The following PLXNA2 variants were observed in gnomAD, a reference collection of about 807,000 sequenced individuals.
The protein encoded by PLXNA2 is plexin A2, also known as plexin-A2.
PLXNA2 carries 91 observed loss-of-function variants against 193.5 expected under a neutral mutation model. The ratio of observed to expected loss-of-function variants is 0.47; its 90% CI spans 0.40 to 0.56. The LOEUF is 0.56. PLXNA2 is among the 20% of genes least tolerant of loss of function. The pLI, the probability that PLXNA2 is intolerant of heterozygous loss-of-function variation, is 0.00. For synonymous variants in PLXNA2, 997 were observed against 1,027.3 expected, an observed-to-expected ratio of 0.97 and a Z score of 0.56; for missense variants, 1,995 against 2,503.2, an observed-to-expected ratio of 0.80 and a Z score of 4.33.
At position 208,217,860 on chromosome 1, in the gene PLXNA2, G is replaced by C. The variant is rs768537663; in HGVS notation, c.63C>G (p.Leu21=). 11 of 1,613,600 alleles carry C rather than the reference G, an allele frequency of 6.8e-6. No individual in the cohort carries two copies. Among genetic ancestry groups the C allele is most frequent in the South Asian group, 1.1e-5 (1 of 91,080 alleles). ...LEVDSRSVVL[L]SVVWVLLAPP... ...GGGCCAGCAGCACCCAGACCACTGAGAGCAGGACCACAGAGCGGCTGTCCA... is the reference window on the plus strand; with the variant it reads ...GGGCCAGCAGCACCCAGACCACTGACAGCAGGACCACAGAGCGGCTGTCCA... Residue 21 remains leucine, a synonymous_variant, in exon 2 of 32, where the codon CTC becomes CTG. Coordinates refer to ENST00000367033, the MANE Select transcript of PLXNA2 (RefSeq NM_025179.4). The surrounding 1 kb of genome is among the most constrained non-coding windows in gnomAD (Gnocchi z 4.7).
At chr1:208,219,658 C>T (rs1435825616) in intron 1 of PLXNA2, among the ~76,000 whole-genome samples, 1 of 152,220 alleles carries the variant, frequency 6.6e-6, no homozygotes, top group Non-Finnish European at 1.5e-5. Context: ...TTAGGAACGA[C>T]CCTTCCTCTT....
chr1:208,039,090 T>C (rs1165149876), intron 24 of PLXNA2, 106 bp from the exon 25 acceptor site: 4 of 1,007,906 alleles, frequency 4.0e-6, no homozygotes, highest in Non-Finnish European at 5.8e-6. Flanking sequence ...ACCCTCCTTA[T>C]AGGGGAAATA....
At chr1:208,238,415 C>T (rs1257123771) in intron 1 of PLXNA2, among the ~76,000 whole-genome samples, 1 of 152,194 alleles carries the variant, frequency 6.6e-6, no homozygotes, top group African/African-American at 2.4e-5. Context: ...TTCCCCCTGC[C>T]CTGACGTCCA....
intron 3 of PLXNA2, among the ~76,000 whole-genome samples, chr1:208,153,784 G>C (rs948488887): frequency 6.6e-6 from 1 of 152,230 alleles, no homozygotes; most frequent in African/African-American, 2.4e-5. Flanking sequence ...CCGGCAGCCA[G>C]CCCAGGGGTA....
rs567426643 is a variant in PLXNA2 at position 208,103,232 on chromosome 1, C to A, written c.1522G>T (p.Val508Leu). The change falls in exon 5 of 32, where the codon GTG becomes TTG. Residue 508 changes from valine to leucine, a missense_variant. Coordinates refer to ENST00000367033, the MANE Select transcript of PLXNA2 (RefSeq NM_025179.4). ...GTCGTATACTGCTCACATGACTCCA[C>A]GGGGACCCTGGTGACCTGGCAGAGA... Reference protein sequence around the residue: ...MSERQVTRVPVESCEQYTTCG... With the variant: ...MSERQVTRVPLESCEQYTTCG... 6 of 1,613,636 alleles carry A rather than the reference C, an allele frequency of 3.7e-6. No homozygotes were observed. The South Asian group carries it at 6.6e-5, about 18-fold the overall frequency.
intron 4 of PLXNA2, among the ~76,000 whole-genome samples, chr1:208,106,141 AG>A (rs1315836891): frequency 2.7e-5 from 4 of 147,964 alleles, no homozygotes; most frequent in East Asian, 4.0e-4. Context: ...GCAGGGGTGG[AG>A]GGGGGGTGGT....
rs1037171801 is a variant in PLXNA2, at chr1:208,022,751, C to T, written c.*4492G>A. 2.0e-5 allele frequency: 3 copies of T among 152,288 alleles called. No individual in the cohort carries two copies. Among genetic ancestry groups the T allele is most frequent in the Admixed American group, 6.6e-5 (1 of 15,266 alleles). The allele number at this position is 152,288 out of a possible 1,614,324, so 9.4% of individuals were successfully genotyped here. ...AGATGTTTCCTACCTTCCTTGAGGC[C>T]AGGGTAGGAGGGAGCAGGCTGCACT... On this transcript the variant is annotated 3_prime_UTR_variant, in exon 32 of 32. Transcript: ENST00000367033.
At chr1:208,124,798 C>T (rs1289515051) in intron 4 of PLXNA2, among the ~76,000 whole-genome samples, 1 of 150,664 alleles carries the variant, frequency 6.6e-6, no homozygotes, top group African/African-American at 2.4e-5. Context: ...CTTTCCTATA[C>T]ATTCAAATAT....
intron 3 of PLXNA2, among the ~76,000 whole-genome samples, chr1:208,182,251 G>A (rs1309728155): frequency 6.6e-6 from 1 of 152,240 alleles, no homozygotes; most frequent in Non-Finnish European, 1.5e-5. Flanking sequence ...TGACCACCAT[G>A]GTGAAACCCC....
At chr1:208,149,390 G>A (rs1668687924) in intron 3 of PLXNA2, among the ~76,000 whole-genome samples, 1 of 151,924 alleles carries the variant, frequency 6.6e-6, no homozygotes, top group East Asian at 1.9e-4. Context: ...ATGTGTGTAT[G>A]AGTCTGTTGT....
intron 13 of PLXNA2, among the ~76,000 whole-genome samples, chr1:208,055,552 A>G (rs1453442483): frequency 6.6e-6 from 1 of 152,052 alleles, no homozygotes; most frequent in Non-Finnish European, 1.5e-5. Flanking sequence ...TCCTCCCAAC[A>G]TCATTTCGGA....
At chr1:208,145,428 C>T (rs564901194) in intron 3 of PLXNA2, among the ~76,000 whole-genome samples, 1 of 152,358 alleles carries the variant, frequency 6.6e-6, no homozygotes, top group Admixed American at 6.5e-5. Flanking sequence ...CCAGTTAACC[C>T]TCTGCTGGCT....
intron 4 of PLXNA2, among the ~76,000 whole-genome samples, chr1:208,119,235 G>A (rs1243778108): frequency 6.6e-6 from 1 of 152,174 alleles, no homozygotes; most frequent in Non-Finnish European, 1.5e-5. Context: ...GGGGCTTGGG[G>A]TTGGAGGTCT....
intron 2 of PLXNA2, among the ~76,000 whole-genome samples, chr1:208,210,726 A>G (rs1250443614): frequency 6.6e-5 from 10 of 152,226 alleles, no homozygotes; most frequent in Non-Finnish European, 1.3e-4. Context: ...CCTTTCTGCC[A>G]GGAGAACCAG....
intron 3 of PLXNA2, among the ~76,000 whole-genome samples, chr1:208,164,172 T>G (rs1481797681): frequency 6.6e-6 from 1 of 152,232 alleles, no homozygotes; most frequent in Admixed American, 6.5e-5. Flanking sequence ...AGGGGACACC[T>G]TTAGCCCTGC....
intron 9 of PLXNA2, among the ~76,000 whole-genome samples, chr1:208,085,881 C>T (rs1666503919): frequency 6.6e-6 from 1 of 152,210 alleles, no homozygotes; most frequent in East Asian, 1.9e-4. Flanking sequence ...TAGAAACACA[C>T]ACTCCTGCCT....
chr1:208,198,009 A>G (rs899762061), intron 3 of PLXNA2, among the ~76,000 whole-genome samples: 11 of 152,184 alleles, frequency 7.2e-5, no homozygotes, highest in Admixed American at 7.2e-4. Flanking sequence ...GCCATTTTCT[A>G]TCAAGAAAAA....
At chr1:208,190,365 T>C (rs1365596543) in intron 3 of PLXNA2, among the ~76,000 whole-genome samples, 4 of 152,236 alleles carry the variant, frequency 2.6e-5, no homozygotes, top group Non-Finnish European at 5.9e-5. Context: ...CTGCATATTA[T>C]GTGAATAAAT....
rs550021049 is a variant in PLXNA2 at position 208,030,189 on chromosome 1, A to T, written c.5226-1147T>A. ...AGCTGCTGCAGCTGAGAGCTGACTCATCTCTTCTACCCTCCCCTTCTTCTG... is the reference window on the plus strand; with the variant it reads ...AGCTGCTGCAGCTGAGAGCTGACTCTTCTCTTCTACCCTCCCCTTCTTCTG... On this transcript the variant is annotated intron_variant, in intron 29 of 31. Coordinates refer to ENST00000367033, the MANE Select transcript of PLXNA2 (RefSeq NM_025179.4). 4 of 985,538 alleles carry T rather than the reference A, an allele frequency of 4.1e-6. No homozygotes were observed. The East Asian group carries it at 3.4e-4, about 84-fold the overall frequency. The allele number at this position is 985,538 out of a possible 1,614,324, so 61.0% of individuals were successfully genotyped here.
Sources: allele counts gnomAD v4.1 joint callset (sites outside exome capture counted in the v4.1 genomes callset), GRCh38; gene constraint gnomAD v4.1.1; non-coding constraint Gnocchi (gnomAD v3.1); transcripts MANE v1.5; gene names NCBI Gene and HGNC (gene_info 2026-07-23, HGNC 2026-07-21).